FUT8: variants seen among roughly 807,000 people sequenced by gnomAD.
FUT8 encodes the protein fucosyltransferase 8, also known as alpha-(1,6)-fucosyltransferase.
A neutral mutation model predicts 71.3 loss-of-function variants in FUT8; 29 were observed. The ratio of observed to expected loss-of-function variants is 0.41; its 90% CI spans 0.30 to 0.55. FUT8 has a LOEUF of 0.55. Ranked by LOEUF, FUT8 falls within the 20% of genes least tolerant of loss-of-function variation. The pLI, the probability that FUT8 is intolerant of heterozygous loss-of-function variation, is 0.34. For missense variants in FUT8, 544 were observed against 702.1 expected (o/e 0.77, Z 2.55); for synonymous variants, 254 against 239.3 (o/e 1.06, Z -0.57).
chr14:65,564,857 ATTC>A (rs1324733085), intron 3 of FUT8, among the ~76,000 whole-genome samples: 11 of 152,050 alleles, frequency 7.2e-5, no homozygotes, highest in Non-Finnish European at 1.3e-4. Context: ...TTAGTAGTTC[ATTC>A]TTTTTTATTG....
Position 65,413,840 on chromosome 14 carries a change from A to G in FUT8, c.-326+626A>G, listed in dbSNP as rs1036093154. 1.1e-4 allele frequency among the ~76,000 whole-genome samples: 16 copies of G among 152,080 alleles called. No homozygotes were observed. Among genetic ancestry groups the G allele is most frequent in the Admixed American group, 3.3e-4 (5 of 15,280 alleles). On this transcript the variant is annotated intron_variant, in intron 1 of 10. Coordinates refer to ENST00000673929, the MANE Select transcript of FUT8 (RefSeq NM_001371533.1). This position sits in a 1 kb window ranked among gnomAD's most constrained non-coding sequence, Gnocchi z 4.1. ...GGGAAGGTTAAATGAGTCCATATTT[A>G]TCAGTTCTAGGAGGTTTGTCCTGCA...
intron 6 of FUT8, among the ~76,000 whole-genome samples, chr14:65,650,730 CAAA>C (rs374138566): frequency 2.6e-5 from 3 of 117,194 alleles, no homozygotes; most frequent in African/African-American, 1.0e-4. Flanking sequence ...AAAAAAAAAA[CAAA>C]AAAAACCACA....
In FUT8 at chr14:65,629,531, T is replaced by G. The variant is rs1239842667; in HGVS notation, c.522T>G (p.Asp174Glu). 1 of 1,613,796 alleles carries G rather than the reference T, an allele frequency of 6.2e-7. No homozygotes were observed. Among genetic ancestry groups the G allele is most frequent in the Non-Finnish European group, 8.5e-7 (1 of 1,179,764 alleles). ...ATCTATACTACCTCAGTCAGACAGA[T>G]GGAGCAGGTGATTGGCGGGAAAAAG... ...MTDLYYLSQT[D>E]GAGDWREKEA... Residue 174 changes from aspartate (D) to glutamate (E), a missense_variant, in exon 6 of 11, where the codon GAT (aspartate) becomes GAG (glutamate). By Grantham distance (45) the Asp-to-Glu change is conservative. Coordinates refer to ENST00000673929, the MANE Select transcript of FUT8 (RefSeq NM_001371533.1).
chr14:65,469,826 C>A (rs2066109382), intron 2 of FUT8, among the ~76,000 whole-genome samples: 1 of 152,202 alleles, frequency 6.6e-6, no homozygotes, highest in Non-Finnish European at 1.5e-5. Flanking sequence ...GATCTCGGGG[C>A]TTTTATGGAC....
intron 6 of FUT8, among the ~76,000 whole-genome samples, chr14:65,633,388 G>A (rs565050076): frequency 5.9e-5 from 9 of 152,252 alleles, no homozygotes; most frequent in East Asian, 5.8e-4. Flanking sequence ...CCTCCCAGCC[G>A]CCTGCCTTGG....
chr14:65,601,699 C>T (rs1479738612), intron 3 of FUT8, among the ~76,000 whole-genome samples: 1 of 152,090 alleles, frequency 6.6e-6, no homozygotes, highest in East Asian at 1.9e-4. Flanking sequence ...AATATTTTTA[C>T]AGTAATATTC....
chr14:65,391,494 TA>T, the FUT8 span, among the ~76,000 whole-genome samples: 12 of 152,340 alleles, frequency 7.9e-5, no homozygotes, highest in African/African-American at 2.6e-4. Flanking sequence ...TAGCAGGGAC[TA>T]CAGGCAAATG....
At chr14:65,560,473 G>C (rs922192531) in intron 2 of FUT8, among the ~76,000 whole-genome samples, 2 of 152,090 alleles carry the variant, frequency 1.3e-5, no homozygotes, top group African/African-American at 4.8e-5. Context: ...GAGTCACTGT[G>C]GCTGGCCTGT....
chr14:65,585,499 T>A (rs1290887698), intron 3 of FUT8, among the ~76,000 whole-genome samples: 2 of 152,170 alleles, frequency 1.3e-5, no homozygotes, highest in African/African-American at 4.8e-5. Context: ...AATGATTGAT[T>A]TGAAATGATA....
At position 65,655,475 on chromosome 14, in the gene FUT8, CAAA is replaced by C. The variant is rs575608113; in HGVS notation, c.598-13751_598-13749del. Among the ~76,000 whole-genome samples the C allele has an allele frequency of 8.5e-4, 42 of 49,684 alleles. 1 individual carries two copies. In the East Asian group the frequency reaches 0.017, roughly 21 times the overall value. 32.6% of individuals were successfully genotyped at this position (49,684 alleles called of 152,430 possible). ...TGGGCGACAGAGCAAGACTCCGTCT[CAAA>C]AAAAAAAAAAAAAAAAGTACAGTGA... On this transcript the variant is annotated intron_variant, in intron 6 of 10. Transcript: ENST00000673929.
intron 2 of FUT8, among the ~76,000 whole-genome samples, chr14:65,510,224 A>T (rs1307008514): frequency 1.3e-5 from 2 of 151,982 alleles, no homozygotes; most frequent in Non-Finnish European, 2.9e-5. Context: ...TTGATACGAT[A>T]TATGGTGATT....
rs1260250541 is a variant in FUT8, at chr14:65,691,523, T to A, written c.835+22043T>A. On this transcript the variant is annotated intron_variant, in intron 7 of 10. Transcript: ENST00000673929. ...TTTAGCCTGTTGATTTGATGGACTATCTTGATTGATTTTTCGATGATGAAC... is the reference window on the plus strand; with the variant it reads ...TTTAGCCTGTTGATTTGATGGACTAACTTGATTGATTTTTCGATGATGAAC... Among the ~76,000 whole-genome samples, 2 of 152,152 alleles carry A rather than the reference T, an allele frequency of 1.3e-5. 1 individual carries two copies. The highest frequency in any genetic ancestry group is 4.8e-5 in the African/African-American group (2 of 41,394).
chr14:65,361,970 G>A, the FUT8 span, among the ~76,000 whole-genome samples: 1 of 152,072 alleles, frequency 6.6e-6, no homozygotes, highest in African/African-American at 2.4e-5. Context: ...TGTTTGAAAT[G>A]CTTTCTTTCT....
intron 2 of FUT8, among the ~76,000 whole-genome samples, chr14:65,465,934 T>C (rs1415592669): frequency 2.6e-5 from 4 of 152,224 alleles, no homozygotes; most frequent in Admixed American, 6.5e-5. Context: ...TTATACCTTA[T>C]GTATTTTGAC....
chr14:65,497,492 A>G (rs2066577531), intron 2 of FUT8, among the ~76,000 whole-genome samples: 1 of 152,172 alleles, frequency 6.6e-6, no homozygotes, highest in Non-Finnish European at 1.5e-5. Flanking sequence ...TTTTTGAATC[A>G]TCTTTTTAAT....
the FUT8 span, among the ~76,000 whole-genome samples, chr14:65,361,356 C>CAA: frequency 0.024 from 1,585 of 64,906 alleles, 18 homozygotes; most frequent in Middle Eastern, 0.054. Flanking sequence ...AACTCTGTCT[C>CAA]AAAAAAAAAA....
intron 2 of FUT8, among the ~76,000 whole-genome samples, chr14:65,534,444 T>A (rs1190050291): frequency 1.3e-5 from 2 of 152,000 alleles, no homozygotes; most frequent in African/African-American, 4.8e-5. Context: ...GAGGATTCCC[T>A]TACCCTCAAT....
At chr14:65,639,230 T>TA (rs1228076137) in intron 6 of FUT8, among the ~76,000 whole-genome samples, 1 of 152,106 alleles carries the variant, frequency 6.6e-6, no homozygotes, top group Non-Finnish European at 1.5e-5. Context: ...AGGCTGGTGA[T>TA]AGGAAGTAAA....
chr14:65,523,793 G>C (rs576634654), intron 2 of FUT8, among the ~76,000 whole-genome samples: 4 of 152,106 alleles, frequency 2.6e-5, no homozygotes, highest in Admixed American at 6.5e-5. Context: ...TCTCCATATG[G>C]CTAGCCAGTT....
Sources: gnomAD v4.1 joint callset for allele counts (sites outside exome capture counted in the v4.1 genomes callset) on GRCh38, gnomAD v4.1.1 for gene constraint, Gnocchi (gnomAD v3.1) non-coding constraint, MANE v1.5 for transcripts, NCBI Gene and HGNC (gene_info 2026-07-23, HGNC 2026-07-21) for gene names.